CDKAL1: variants seen among roughly 807,000 people sequenced by gnomAD.
CDKAL1 encodes CDKAL1 threonylcarbamoyladenosine tRNA methylthiotransferase.
A neutral mutation model predicts 68.2 loss-of-function variants in CDKAL1; 32 were observed. That is an observed-to-expected ratio of 0.47 (90% CI 0.35 to 0.63). The LOEUF (loss-of-function observed/expected upper bound fraction) is 0.63, where lower values mean the gene tolerates loss of function less well. Among genes scored for constraint, CDKAL1 ranks in the 30% least tolerant of loss-of-function variants. The pLI is 0.00. For missense variants in CDKAL1, 606 were observed against 696.7 expected, an observed-to-expected ratio of 0.87 and a Z score of 1.47; for synonymous variants, 234 against 244.3, an observed-to-expected ratio of 0.96 and a Z score of 0.39.
At chr6:21,226,893 TA>T (rs1475772584) in intron 15 of CDKAL1, among the ~76,000 whole-genome samples, 1 of 152,224 alleles carries the variant, frequency 6.6e-6, no homozygotes, top group Admixed American at 6.5e-5. Context: ...TTTGTATTTT[TA>T]ATAGAGACGG....
chr6:20,704,868 C>T (rs372656999), intron 5 of CDKAL1, among the ~76,000 whole-genome samples: 3 of 152,084 alleles, frequency 2.0e-5, no homozygotes, highest in African/African-American at 4.8e-5. Flanking sequence ...TGTGCCAATA[C>T]CATTATAGGG....
At chr6:20,923,571 C>T (rs1359236986) in intron 9 of CDKAL1, among the ~76,000 whole-genome samples, 3 of 152,136 alleles carry the variant, frequency 2.0e-5, no homozygotes, top group Non-Finnish European at 4.4e-5. Context: ...GTTCCCCCAC[C>T]AGCCATTCAT....
intron 9 of CDKAL1, among the ~76,000 whole-genome samples, chr6:20,945,387 A>C (rs1764189130): frequency 6.6e-6 from 1 of 152,216 alleles, no homozygotes; most frequent in Non-Finnish European, 1.5e-5. Flanking sequence ...CTCTGTCCCA[A>C]GCATTTTGGA....
At chr6:21,157,619 T>G (rs1776709270) in intron 13 of CDKAL1, among the ~76,000 whole-genome samples, 1 of 150,596 alleles carries the variant, frequency 6.6e-6, no homozygotes, top group Non-Finnish European at 1.5e-5. Flanking sequence ...GAAAGCAACC[T>G]CTTTGTTTGT....
At chr6:20,888,355 CTTCTT>C (rs1761196016) in intron 9 of CDKAL1, among the ~76,000 whole-genome samples, 1 of 71,332 alleles carries the variant, frequency 1.4e-5, no homozygotes, top group South Asian at 5.1e-4. Context: ...TGTGCCACAT[CTTCTT>C]TTTTTTTTTT....
chr6:20,849,116 C>G (rs1180411833), intron 9 of CDKAL1, among the ~76,000 whole-genome samples: 1 of 151,746 alleles, frequency 6.6e-6, no homozygotes, highest in East Asian at 1.9e-4. Flanking sequence ...GTACTTGGTG[C>G]TTTTTGCTAT....
At chr6:20,813,921 C>T (rs1345488696) in intron 8 of CDKAL1, among the ~76,000 whole-genome samples, 1 of 151,796 alleles carries the variant, frequency 6.6e-6, no homozygotes, top group Non-Finnish European at 1.5e-5. Context: ...ATTTACATTT[C>T]TATAGATTTT....
At chr6:20,593,138 G>A (rs1765666602) in intron 4 of CDKAL1, among the ~76,000 whole-genome samples, 1 of 152,040 alleles carries the variant, frequency 6.6e-6, no homozygotes, top group East Asian at 1.9e-4. Context: ...TTCTTTTTTT[G>A]TTGTGTCTCT....
At chr6:21,025,499 C>G (rs1462246093) in intron 11 of CDKAL1, among the ~76,000 whole-genome samples, 26 of 152,030 alleles carry the variant, frequency 1.7e-4, no homozygotes, top group Non-Finnish European at 2.9e-5. Flanking sequence ...TTAGAACTTT[C>G]AGGCTGTCCC....
At chr6:20,611,983 A>T (rs1187677403) in intron 4 of CDKAL1, among the ~76,000 whole-genome samples, 2 of 152,160 alleles carry the variant, frequency 1.3e-5, no homozygotes, top group East Asian at 3.9e-4. Flanking sequence ...TAGCCCCCAC[A>T]TGAGTGACAA....
At chr6:20,760,200 G>A (rs1287838728) in intron 7 of CDKAL1, among the ~76,000 whole-genome samples, 2 of 151,774 alleles carry the variant, frequency 1.3e-5, no homozygotes, top group Non-Finnish European at 2.9e-5. Context: ...GGCTGGTCTC[G>A]AACTCCTGGG....
intron 4 of CDKAL1, among the ~76,000 whole-genome samples, chr6:20,603,533 T>A (rs1766196608): frequency 6.6e-6 from 1 of 151,928 alleles, no homozygotes; most frequent in Admixed American, 6.6e-5. Context: ...ACCATTTGAG[T>A]GAAGAAGAAA....
At chr6:21,151,260 G>A (rs551675560) in intron 13 of CDKAL1, among the ~76,000 whole-genome samples, 53 of 152,246 alleles carry the variant, frequency 3.5e-4, no homozygotes, top group Admixed American at 6.5e-4. Context: ...TAGAAAAGCC[G>A]TACTGAACTA....
In CDKAL1 at chr6:20,814,500, G is replaced by A. The variant is rs369067232; in HGVS notation, c.639-31575G>A. ...TCACCATGTTGGCCAGCCTGGTCTC[G>A]AACTCCTGGCTTCGGGTGATCCACC... is the stretch of plus-strand genomic sequence containing the variant. On this transcript the variant is annotated intron_variant, in intron 8 of 15. Transcript: ENST00000274695. Among the ~76,000 whole-genome samples, 14 of 152,224 alleles carry A rather than the reference G, an allele frequency of 9.2e-5. No individual in the cohort carries two copies. In the East Asian group the frequency reaches 2.1e-3, roughly 23 times the overall value.
intron 12 of CDKAL1, among the ~76,000 whole-genome samples, chr6:21,090,805 CTT>C (rs67647227): frequency 2.4e-4 from 32 of 132,572 alleles, no homozygotes; most frequent in South Asian, 7.1e-4. Context: ...TTTCTTTTTT[CTT>C]TTTTTTTTTT....
At chr6:20,986,189 TC>T (rs1766442907) in intron 10 of CDKAL1, among the ~76,000 whole-genome samples, 1 of 152,192 alleles carries the variant, frequency 6.6e-6, no homozygotes, top group Non-Finnish European at 1.5e-5. Context: ...TTTTCTTCCT[TC>T]GTTTTTGAGG....
intron 11 of CDKAL1, among the ~76,000 whole-genome samples, chr6:21,045,975 T>G (rs184350268): frequency 6.6e-6 from 1 of 152,272 alleles, no homozygotes; most frequent in Non-Finnish European, 1.5e-5. Flanking sequence ...GCTTATTATT[T>G]CAGATCACAG....
intron 5 of CDKAL1, among the ~76,000 whole-genome samples, chr6:20,711,188 T>G (rs554854056): frequency 7.9e-5 from 12 of 152,286 alleles, no homozygotes; most frequent in African/African-American, 2.9e-4. Flanking sequence ...GTGTATACAG[T>G]GATTGTAGAG....
At chr6:21,067,982 T>A (rs1208814905) in intron 12 of CDKAL1, among the ~76,000 whole-genome samples, 1 of 152,198 alleles carries the variant, frequency 6.6e-6, no homozygotes, top group African/African-American at 2.4e-5. Context: ...TATATGTTTA[T>A]TAGCTATTTG....
Sources: gnomAD v4.1 joint callset for allele counts (sites outside exome capture counted in the v4.1 genomes callset) on GRCh38, gnomAD v4.1.1 for gene constraint, MANE v1.5 for transcripts, NCBI Gene and HGNC (gene_info 2026-07-23, HGNC 2026-07-21) for gene names.